CAMTA1: variants seen among roughly 807,000 people sequenced by gnomAD.
CAMTA1 encodes the protein calmodulin-binding transcription activator 1.
CAMTA1 carries 27 observed loss-of-function variants against 170.9 expected under a neutral mutation model. The ratio of observed to expected loss-of-function variants is 0.16; its 90% CI spans 0.12 to 0.22. The LOEUF (loss-of-function observed/expected upper bound fraction) is 0.22, where lower values mean the gene tolerates loss of function less well. Among genes scored for constraint, CAMTA1 ranks in the 10% least tolerant of loss-of-function variants. The pLI, the probability that CAMTA1 is intolerant of heterozygous loss-of-function variation, is 1.00. For missense variants in CAMTA1, 1,619 were observed against 2,217.2 expected, an observed-to-expected ratio of 0.73 and a Z score of 5.42; for synonymous variants, 833 against 891.5, an observed-to-expected ratio of 0.93 and a Z score of 1.17.
At chr1:7,208,943 A>T (rs1388780187) in intron 4 of CAMTA1, among the ~76,000 whole-genome samples, 2 of 152,176 alleles carry the variant, frequency 1.3e-5, no homozygotes, top group African/African-American at 4.8e-5. Context: ...ACTGGCTGGC[A>T]TGGGGCTGTG....
chr1:7,464,473 T>C (rs2093164881), intron 5 of CAMTA1, among the ~76,000 whole-genome samples: 1 of 152,200 alleles, frequency 6.6e-6, no homozygotes, highest in Admixed American at 6.5e-5. Flanking sequence ...TAATCCCCAA[T>C]TGGCTTGGTA....
In CAMTA1 at chr1:7,113,477, C is replaced by T. The variant is rs556100945; in HGVS notation, c.302+22106C>T. ...AGGATCTAGGGGCCAGAGTGGCTCC[C>T]GGTCAGTGTCTAGGAATGGAGAGGG... On this transcript the variant is annotated intron_variant, in intron 4 of 22. Coordinates refer to ENST00000303635, the MANE Select transcript of CAMTA1 (RefSeq NM_015215.4). This position sits in a 1 kb window ranked among gnomAD's most constrained non-coding sequence, Gnocchi z 4.5. 2.4e-4 allele frequency among the ~76,000 whole-genome samples: 37 copies of T among 152,236 alleles called. No individual in the cohort carries two copies. The highest frequency in any genetic ancestry group is 8.7e-4 in the African/African-American group (36 of 41,550).
intron 6 of CAMTA1, among the ~76,000 whole-genome samples, chr1:7,619,417 A>G (rs928346506): frequency 2.6e-5 from 4 of 152,130 alleles, no homozygotes; most frequent in African/African-American, 9.7e-5. Flanking sequence ...CCAGGTTCAC[A>G]TGACACATAG....
intron 4 of CAMTA1, among the ~76,000 whole-genome samples, chr1:7,129,889 C>T (rs1421739719): frequency 1.3e-5 from 2 of 151,312 alleles, no homozygotes; most frequent in African/African-American, 2.4e-5. Flanking sequence ...TGATATCAGA[C>T]AATAGTTGTT....
At chr1:7,667,797 A>G (rs1183681269) in intron 9 of CAMTA1, among the ~76,000 whole-genome samples, 3 of 152,206 alleles carry the variant, frequency 2.0e-5, no homozygotes, top group African/African-American at 2.4e-5. Context: ...TTGCTTTTCC[A>G]GAAGCCCTCA....
intron 5 of CAMTA1, among the ~76,000 whole-genome samples, chr1:7,395,996 C>T (rs553597894): frequency 1.6e-4 from 25 of 152,140 alleles, no homozygotes; most frequent in African/African-American, 6.0e-4. Context: ...TATATAAGAT[C>T]ATGTCATCTG....
chr1:7,728,524 A>G (rs932704709), intron 11 of CAMTA1, among the ~76,000 whole-genome samples: 1 of 152,210 alleles, frequency 6.6e-6, no homozygotes, highest in African/African-American at 2.4e-5. Context: ...CGTTAACCAG[A>G]TGCAAGATTT....
chr1:7,530,349 G>A (rs972225718), intron 6 of CAMTA1, among the ~76,000 whole-genome samples: 4 of 152,224 alleles, frequency 2.6e-5, no homozygotes, highest in African/African-American at 9.6e-5. Flanking sequence ...TGAGCTGACC[G>A]AAGTGCCTTT....
intron 3 of CAMTA1, among the ~76,000 whole-genome samples, chr1:6,987,916 G>A (rs1476173905): frequency 1.3e-5 from 2 of 152,084 alleles, no homozygotes; most frequent in Admixed American, 6.5e-5. Context: ...GCAAGAGCCG[G>A]CGTCTGTCAT....
At chr1:6,859,788 C>CA (rs1051277431) in intron 3 of CAMTA1, among the ~76,000 whole-genome samples, 12 of 151,432 alleles carry the variant, frequency 7.9e-5, no homozygotes, top group Admixed American at 2.6e-4. Context: ...GTCCGTGTCT[C>CA]AAAAAAAAGA....
At chr1:7,666,705 A>C (rs2096004567) in intron 9 of CAMTA1, among the ~76,000 whole-genome samples, 1 of 152,170 alleles carries the variant, frequency 6.6e-6, no homozygotes, top group Non-Finnish European at 1.5e-5. Context: ...ACACCAAAGA[A>C]GGGGGCTCAT....
chr1:7,240,153 A>C (rs781057176), intron 4 of CAMTA1, among the ~76,000 whole-genome samples: 10 of 152,206 alleles, frequency 6.6e-5, no homozygotes, highest in Non-Finnish European at 1.3e-4. Context: ...GCCCAGATCC[A>C]TTAATTCATT....
At chr1:7,484,136 GCA>G (rs1557789271) in intron 6 of CAMTA1, among the ~76,000 whole-genome samples, 2 of 152,186 alleles carry the variant, frequency 1.3e-5, no homozygotes, top group Non-Finnish European at 2.9e-5. Context: ...GCCTGGGGCC[GCA>G]GGGCCATCAC....
chr1:6,884,328 ACACACAC>A (rs1557762027), intron 3 of CAMTA1, among the ~76,000 whole-genome samples: 78 of 145,426 alleles, frequency 5.4e-4, no homozygotes, highest in African/African-American at 1.6e-3. Context: ...ACACACACAC[ACACACAC>A]AATTTTGTTT....
At chr1:6,954,832 C>T (rs754936867) in intron 3 of CAMTA1, among the ~76,000 whole-genome samples, 22 of 152,182 alleles carry the variant, frequency 1.4e-4, no homozygotes, top group East Asian at 3.9e-4. Context: ...CCTCCTTGGA[C>T]GCCGCCTTCC....
intron 5 of CAMTA1, among the ~76,000 whole-genome samples, chr1:7,386,009 C>A (rs2087922446): frequency 1.3e-5 from 2 of 152,122 alleles, no homozygotes. Context: ...CTGCAGAAGC[C>A]CACCCTGGCT....
chr1:7,298,793 C>T (rs573333457), intron 5 of CAMTA1, among the ~76,000 whole-genome samples: 22 of 152,328 alleles, frequency 1.4e-4, no homozygotes, highest in African/African-American at 5.3e-4. Flanking sequence ...CCCAGGAACG[C>T]ACTCAGGGAC....
At chr1:7,239,297 T>C (rs1250435387) in intron 4 of CAMTA1, among the ~76,000 whole-genome samples, 1 of 152,224 alleles carries the variant, frequency 6.6e-6, no homozygotes, top group Non-Finnish European at 1.5e-5. Context: ...AACATTTCGG[T>C]TGTTTCACAA....
At chr1:7,591,290 T>C (rs1394917803) in intron 6 of CAMTA1, among the ~76,000 whole-genome samples, 1 of 152,226 alleles carries the variant, frequency 6.6e-6, no homozygotes, top group African/African-American at 2.4e-5. Flanking sequence ...CCCTGGGTCA[T>C]AACGAAGTTC....
Sources: allele counts gnomAD v4.1 joint callset (sites outside exome capture counted in the v4.1 genomes callset), GRCh38; gene constraint gnomAD v4.1.1; non-coding constraint Gnocchi (gnomAD v3.1); transcripts MANE v1.5; gene names NCBI Gene and HGNC (gene_info 2026-07-23, HGNC 2026-07-21).